The following CEP170B variants were observed in gnomAD, a reference collection of about 807,000 sequenced individuals.
CEP170B encodes centrosomal protein of 170 kDa protein B.
Under a neutral mutation model 120.6 loss-of-function variants are expected in CEP170B, and 55 were observed. The ratio of observed to expected loss-of-function variants is 0.46; its 90% confidence interval spans 0.37 to 0.57. CEP170B has a LOEUF of 0.57. CEP170B is among the 20% of genes least tolerant of loss of function. The pLI, the probability that CEP170B is intolerant of heterozygous loss-of-function variation, is 0.00. For missense variants in CEP170B, 2,212 were observed against 2,253.3 expected, an observed-to-expected ratio of 0.98 and a Z score of 0.37; for synonymous variants, 1,033 against 954.5, an observed-to-expected ratio of 1.08 and a Z score of -1.52.
rs1193397840 is a variant in CEP170B at position 104,883,156 on chromosome 14, C to T, written c.699C>T (p.Thr233=). Residue 233 remains threonine, a synonymous_variant, in exon 8 of 19, where the codon ACC becomes ACT. Coordinates refer to ENST00000414716, the MANE Select transcript of CEP170B (RefSeq NM_001112726.3). ...PSYFEIPTKE[T]PQPSQPPEVP... is the part of the protein sequence containing the mutation. ...ACTTCGAGATCCCCACGAAGGAGACCCCGCAGCCGTCGCAGCCCCCCGAGG... is the reference window on the plus strand; with the variant it reads ...ACTTCGAGATCCCCACGAAGGAGACTCCGCAGCCGTCGCAGCCCCCCGAGG... 6.2e-7 allele frequency: 1 copy of T among 1,608,296 alleles called. No individual in the cohort carries two copies. The highest frequency in any genetic ancestry group is 1.1e-5 in the South Asian group (1 of 90,634).
chr14:104,894,973 C>T lies in CEP170B; in HGVS notation c.*15C>T, dbSNP rs756325582. 1 of 1,544,100 alleles carries T rather than the reference C, an allele frequency of 6.5e-7. No homozygotes were observed. The stretch of plus-strand genomic sequence containing the variant: ...TCCTGATCTAGGCCCCAGACCTGGC[C>T]AGGCCAGCCTCCCTGTGCGTGTGCG... On this transcript the variant is annotated 3_prime_UTR_variant, in exon 19 of 19. Transcript: ENST00000414716.
chr14:104,873,691 C>T (rs892458587), intron 2 of CEP170B, among the ~76,000 whole-genome samples: 4 of 152,024 alleles, frequency 2.6e-5, no homozygotes, highest in Non-Finnish European at 5.9e-5. Flanking sequence ...GGCTGGAAAC[C>T]CCTCCAGGGT....
At chr14:104,893,224 C>A in intron 14 of CEP170B, 89 bp downstream of exon 14, 1 of 1,396,502 alleles carries the variant, frequency 7.2e-7, no homozygotes, top group Non-Finnish European at 9.6e-7. Context: ...CATGCCTCGG[C>A]TGAGGCCCTG....
At chr14:104,876,444 C>A in intron 3 of CEP170B, 99 bp downstream of exon 3, 2 of 1,082,154 alleles carry the variant, frequency 1.8e-6, no homozygotes, top group South Asian at 1.4e-5. Context: ...CATAGCCCCT[C>A]CCTCTCAGCC....
rs910530481 is a variant in CEP170B at position 104,894,432 on chromosome 14, C to T, written c.4365+54C>T. ...CCTGCCCCCAGCCAGCCTGCCTTTG[C>T]CTGGCTGGCCCCAAACCTTGTCCCA... is the stretch of plus-strand genomic sequence containing the variant. On this transcript the variant is annotated intron_variant, in intron 17 of 18. Transcript: ENST00000414716. 3.4e-5 allele frequency: 54 copies of T among 1,601,792 alleles called. No individual in the cohort carries two copies. In the South Asian group the frequency reaches 5.0e-4, roughly 15 times the overall value.
In CEP170B at chr14:104,886,063, TG is replaced by T; in HGVS notation, c.1973del (p.Gly658ValfsTer165). ...HQGLPVPGSP[G>X]GQKWVSRWAS... ...AGGGCCTCCCGGTGCCGGGCTCCCCTGGGGGTCAGAAGTGGGTGTCCCGCTG... is the reference window on the plus strand; with the variant it reads ...AGGGCCTCCCGGTGCCGGGCTCCCCTGGGGTCAGAAGTGGGTGTCCCGCTG... On this transcript the variant is annotated frameshift_variant, in exon 11 of 19. Transcript: ENST00000414716. LOFTEE classifies it high-confidence loss of function. The T allele has an allele frequency of 6.5e-7, 1 of 1,544,826 alleles. No individual in the cohort carries two copies. Among genetic ancestry groups the T allele is most frequent in the Non-Finnish European group, 8.7e-7 (1 of 1,144,146 alleles).
intron 9 of CEP170B, 29 bp from the exon 10 acceptor site, chr14:104,885,340 C>A: frequency 6.6e-7 from 1 of 1,526,534 alleles, no homozygotes; most frequent in East Asian, 2.5e-5. Flanking sequence ...CTCTGACCCT[C>A]GGTGCCTGGG....
intron 9 of CEP170B, among the ~76,000 whole-genome samples, chr14:104,884,989 C>T (rs1171854332): frequency 1.1e-5 from 1 of 94,790 alleles, no homozygotes; most frequent in African/African-American, 3.8e-5. Context: ...TGAGAGCCCT[C>T]GTGGGGAATC....
intron 2 of CEP170B, among the ~76,000 whole-genome samples, chr14:104,872,815 G>C (rs955875238): frequency 8.5e-5 from 13 of 152,236 alleles, no homozygotes; most frequent in African/African-American, 3.1e-4. Flanking sequence ...GGGCCAGGCT[G>C]TTGCCCCAGA....
Position 104,872,278 on chromosome 14 carries a change from TGTGTGTGCCGC to T in CEP170B, c.105+3731_105+3741del, listed in dbSNP as rs1414436769. Among the ~76,000 whole-genome samples, 18 of 69,194 alleles carry T rather than the reference TGTGTGTGCCGC, an allele frequency of 2.6e-4. 2 individuals are homozygous for T. The highest frequency in any genetic ancestry group is 8.7e-4 in the East Asian group (3 of 3,432). 45.4% of individuals were successfully genotyped at this position (69,194 alleles called of 152,430 possible). ...CATGTGTGTGCGTGTGGGTGTGCCG[TGTGTGTGCCGC>T]GTGTGTGTGCCATGGGTGTGCGTGT... is the stretch of plus-strand genomic sequence containing the variant. On this transcript the variant is annotated intron_variant, in intron 2 of 18. Coordinates refer to ENST00000414716, the MANE Select transcript of CEP170B (RefSeq NM_001112726.3).
At chr14:104,871,966 C>T (rs1052762260) in intron 2 of CEP170B, among the ~76,000 whole-genome samples, 1 of 152,244 alleles carries the variant, frequency 6.6e-6, no homozygotes, top group Non-Finnish European at 1.5e-5. Context: ...CCTCTGCTCC[C>T]CACAGTGTCC....
intron 2 of CEP170B, among the ~76,000 whole-genome samples, chr14:104,872,119 TGCGTC>T (rs1595310144): frequency 7.2e-5 from 11 of 151,782 alleles, no homozygotes; most frequent in Admixed American, 2.6e-4. Context: ...TGTGCGTGTG[TGCGTC>T]GTGTGTGTGC....
At chr14:104,878,536 G>A (rs563455681) in intron 5 of CEP170B, 35 bp downstream of exon 5, 4 of 1,598,472 alleles carry the variant, frequency 2.5e-6, no homozygotes, top group African/African-American at 2.7e-5. Context: ...GCTCAGCCAC[G>A]AGGGCTCAGC....
At position 104,867,997 on chromosome 14, in the gene CEP170B, G is replaced by T. The variant is rs186437171; in HGVS notation, c.-27-427G>T. ...TATGTCTTGGGGTGGGTCTGGTGCT[G>T]TGGACCTGGCATCATGGGGACCCTG... is the stretch of plus-strand genomic sequence containing the variant. On this transcript the variant is annotated intron_variant, in intron 1 of 18. Transcript: ENST00000414716. The surrounding 1 kb of genome is among the most constrained non-coding windows in gnomAD (Gnocchi z 5.4). Among the ~76,000 whole-genome samples, 1 of 152,198 alleles carries T rather than the reference G, an allele frequency of 6.6e-6. No homozygotes were observed. The highest frequency in any genetic ancestry group is 6.5e-5 in the Admixed American group (1 of 15,300).
rs1278496716 is a variant in CEP170B, at chr14:104,883,854, C to T, written c.1075C>T (p.Gln359Ter). Residue 359 changes from glutamine to a stop codon, truncating the protein, a stop_gained, in exon 9 of 19, where the codon CAG becomes TAG. Transcript: ENST00000414716. LOFTEE classifies it high-confidence loss of function. ...LKGHKHEDGT[Q>*]SDSEDPLAKA... Reference sequence around the variant, plus strand: ...AGGCCACAAGCACGAGGACGGCACGCAGAGTGACTCAGAGGACCCCCTGGC... The same window carrying T: ...AGGCCACAAGCACGAGGACGGCACGTAGAGTGACTCAGAGGACCCCCTGGC... 3 of 1,566,560 alleles carry T rather than the reference C, an allele frequency of 1.9e-6. No individual in the cohort carries two copies. The highest frequency in any genetic ancestry group is 1.9e-5 in the Admixed American group (1 of 52,552).
chr14:104,886,040 G>C lies in CEP170B; in HGVS notation c.1945G>C (p.Gly649Arg), dbSNP rs1181633714. 51 of 1,534,820 alleles carry C rather than the reference G, an allele frequency of 3.3e-5. No homozygotes were observed. The highest frequency in any genetic ancestry group is 4.3e-5 in the Non-Finnish European group (49 of 1,139,970). ...AACACTCCCACCCTCCTCTCCACAG[G>C]GCCTCCCGGTGCCGGGCTCCCCTGG... ...LGAAPQAEHQ[G>R]LPVPGSPGGQ... The change falls in exon 11 of 19, where the codon GGC becomes CGC. Residue 649 changes from glycine (G) to arginine (R), a missense_variant and splice_region_variant. By Grantham distance (125) the Gly-to-Arg change is moderately radical (BLOSUM62 -2). Around this residue, in one of 2 missense-constraint regions of CEP170B, gnomAD observed 2,166 missense variants for 2,166.7 expected, o/e 1.00. Coordinates refer to ENST00000414716, the MANE Select transcript of CEP170B (RefSeq NM_001112726.3).
chr14:104,887,510 G>A lies in CEP170B; in HGVS notation c.3271G>A (p.Ala1091Thr), dbSNP rs749384767. Residue 1091 changes from alanine (A) to threonine (T), a missense_variant, in exon 12 of 19, where the codon GCC (alanine) becomes ACC (threonine). Physicochemically the swap from Ala to Thr is moderately conservative, Grantham distance 58. This residue lies in a region of CEP170B where 2,166 missense variants were observed against 2,166.7 expected (regional missense o/e 1.00). Transcript: ENST00000414716. ...AGCGGCCCCACCGCCATCCCCAGCT[G>A]CCCGGGAGGAGCAGAGCCGTAGCTC... ...KPAAPPPSPA[A>T]REEQSRSSAS... 3 of 1,611,724 alleles carry A rather than the reference G, an allele frequency of 1.9e-6. No individual in the cohort carries two copies. Among genetic ancestry groups the A allele is most frequent in the Non-Finnish European group, 2.5e-6 (3 of 1,179,606 alleles).
At chr14:104,877,185 G>A (rs534009135) in intron 3 of CEP170B, among the ~76,000 whole-genome samples, 1 of 152,290 alleles carries the variant, frequency 6.6e-6, no homozygotes, top group Non-Finnish European at 1.5e-5. Context: ...TCCTCCCGCA[G>A]CATGCCTGTC....
Position 104,878,524 on chromosome 14 carries a change from TGGCTCAGCCACGAG to T in CEP170B, c.333+33_333+46del. 6 of 1,607,588 alleles carry T rather than the reference TGGCTCAGCCACGAG, an allele frequency of 3.7e-6. No individual in the cohort carries two copies. In the African/African-American group the frequency reaches 4.0e-5, roughly 11 times the overall value. On this transcript the variant is annotated intron_variant, in intron 5 of 18. Coordinates refer to ENST00000414716, the MANE Select transcript of CEP170B (RefSeq NM_001112726.3). ...AAGGTTAGTGCTGGCCAAGCCCGGG[TGGCTCAGCCACGAG>T]GGCTCAGCCCCCCATCCTCCCCACC...
Sources: allele counts gnomAD v4.1 joint callset (sites outside exome capture counted in the v4.1 genomes callset), GRCh38; gene constraint gnomAD v4.1.1; regional missense constraint gnomAD v4.1.1; non-coding constraint Gnocchi (gnomAD v3.1); transcripts MANE v1.5; gene names NCBI Gene and HGNC (gene_info 2026-07-23, HGNC 2026-07-21).